Variants in GPC5 observed in about 807,000 individuals in gnomAD.
GPC5 encodes glypican-5.
GPC5 carries 47 observed loss-of-function variants against 53.9 expected under a neutral mutation model. That is an observed-to-expected ratio of 0.87 (90% confidence interval 0.69 to 1.11). The LOEUF (loss-of-function observed/expected upper bound fraction) is 1.11. Among genes scored for constraint, GPC5 ranks in the 50% most tolerant of loss-of-function variants. The pLI, the probability that GPC5 is intolerant of heterozygous loss-of-function variation, is 0.00. For missense variants in GPC5, 748 were observed against 713.1 expected (o/e 1.05, Z -0.56); for synonymous variants, 286 against 263.3 (o/e 1.09, Z -0.84).
chr13:92,014,558 G>T (rs1327599349), intron 6 of GPC5, among the ~76,000 whole-genome samples: 1 of 152,070 alleles, frequency 6.6e-6, no homozygotes, highest in Non-Finnish European at 1.5e-5. Context: ...TATTGCTTGA[G>T]ATTTGAAGGG....
intron 7 of GPC5, among the ~76,000 whole-genome samples, chr13:92,777,177 A>G (rs140574487): frequency 2.1e-3 from 319 of 151,548 alleles, no homozygotes; most frequent in African/African-American, 7.2e-3. Flanking sequence ...TCTACTAAAA[A>G]TACAAAAAAC....
intron 2 of GPC5, among the ~76,000 whole-genome samples, chr13:91,573,890 G>A (rs997555642): frequency 6.6e-6 from 1 of 152,104 alleles, no homozygotes; most frequent in Non-Finnish European, 1.5e-5. Flanking sequence ...ATATGTATAT[G>A]TATGTGTGTG....
chr13:91,987,444 A>G (rs1481358646), intron 6 of GPC5, among the ~76,000 whole-genome samples: 1 of 152,164 alleles, frequency 6.6e-6, no homozygotes, highest in Non-Finnish European at 1.5e-5. Flanking sequence ...TGATTGGACA[A>G]CGTTCCCATT....
intron 7 of GPC5, among the ~76,000 whole-genome samples, chr13:92,441,385 T>C (rs1339105766): frequency 6.6e-6 from 1 of 152,218 alleles, no homozygotes; most frequent in Non-Finnish European, 1.5e-5. Context: ...TGGTTGCAGT[T>C]GCTTTTGAGA....
intron 6 of GPC5, among the ~76,000 whole-genome samples, chr13:91,947,879 A>G (rs2039988348): frequency 6.6e-6 from 1 of 152,070 alleles, no homozygotes; most frequent in South Asian, 2.1e-4. Flanking sequence ...TTGTTGAGTT[A>G]ATGAAAGAAT....
intron 6 of GPC5, among the ~76,000 whole-genome samples, chr13:92,111,779 C>A (rs578137210): frequency 6.6e-6 from 1 of 151,886 alleles, no homozygotes; most frequent in African/African-American, 2.4e-5. Context: ...AACTAATCCA[C>A]GAAAAAGGAT....
chr13:91,854,712 A>G (rs1177764406), intron 5 of GPC5, among the ~76,000 whole-genome samples: 4 of 151,864 alleles, frequency 2.6e-5, no homozygotes. Context: ...CATTTTTAAT[A>G]AATAACTTAA....
intron 7 of GPC5, among the ~76,000 whole-genome samples, chr13:92,718,506 G>A (rs1159913686): frequency 3.3e-5 from 5 of 152,048 alleles, no homozygotes; most frequent in South Asian, 2.1e-4. Context: ...TTAAACAATC[G>A]AACTCATGGA....
At chr13:92,165,429 A>C (rs2042020093) in intron 7 of GPC5, among the ~76,000 whole-genome samples, 1 of 152,196 alleles carries the variant, frequency 6.6e-6, no homozygotes, top group African/African-American at 2.4e-5. Flanking sequence ...AAAAAGGTTT[A>C]ATTGATTCAC....
At chr13:91,970,092 A>C (rs1467139265) in intron 6 of GPC5, among the ~76,000 whole-genome samples, 1 of 152,222 alleles carries the variant, frequency 6.6e-6, no homozygotes, top group Non-Finnish European at 1.5e-5. Flanking sequence ...GTATTTAAAA[A>C]AGAGGGAAAT....
intron 6 of GPC5, among the ~76,000 whole-genome samples, chr13:92,135,517 A>C (rs2041776957): frequency 6.6e-6 from 1 of 152,178 alleles, no homozygotes; most frequent in Non-Finnish European, 1.5e-5. Flanking sequence ...AGAAGGTGGA[A>C]CTGGCCACAT....
At chr13:92,394,019 G>A (rs978783773) in intron 7 of GPC5, among the ~76,000 whole-genome samples, 6 of 151,966 alleles carry the variant, frequency 3.9e-5, no homozygotes, top group Non-Finnish European at 8.8e-5. Context: ...CTTCTCAGAG[G>A]TCTGCCAGGA....
rs76473316 is a variant in GPC5 at position 92,138,173 on chromosome 13, A to C, written c.1402-6657A>C. Among the ~76,000 whole-genome samples the C allele has an allele frequency of 2.3e-3, 349 of 152,308 alleles. 3 individuals are homozygous for C. Among genetic ancestry groups the C allele is most frequent in the African/African-American group, 7.1e-3 (296 of 41,574 alleles). Reference sequence around the variant, plus strand: ...GTGGTAAAAATGAGAGATTTGTTAAAGTATGTGGCAGGAGTGTGTCTAATA... The same window carrying C: ...GTGGTAAAAATGAGAGATTTGTTAACGTATGTGGCAGGAGTGTGTCTAATA... On this transcript the variant is annotated intron_variant, in intron 6 of 7. Transcript: ENST00000377067.
At chr13:92,803,566 A>G (rs1254850842) in intron 7 of GPC5, among the ~76,000 whole-genome samples, 2 of 151,854 alleles carry the variant, frequency 1.3e-5, no homozygotes, top group African/African-American at 4.8e-5. Context: ...TCCTCGAAAT[A>G]ATTATTTATC....
chr13:92,494,538 G>C (rs896325836), intron 7 of GPC5, among the ~76,000 whole-genome samples: 1 of 151,904 alleles, frequency 6.6e-6, no homozygotes, highest in Non-Finnish European at 1.5e-5. Context: ...TTTTCTTTTC[G>C]TATTCTAAGT....
intron 7 of GPC5, chr13:92,241,153 AT>A (rs1414788094): frequency 6.6e-6 from 1 of 152,172 alleles, no homozygotes. Flanking sequence ...ATTTGATTCC[AT>A]TGCAGAATTA....
intron 6 of GPC5, among the ~76,000 whole-genome samples, chr13:92,067,659 G>A (rs1422512065): frequency 6.6e-6 from 1 of 151,930 alleles, no homozygotes; most frequent in Non-Finnish European, 1.5e-5. Flanking sequence ...TATTTATCAA[G>A]TTGTATATGC....
At chr13:92,420,402 A>G (rs572782439) in intron 7 of GPC5, among the ~76,000 whole-genome samples, 2 of 152,246 alleles carry the variant, frequency 1.3e-5, no homozygotes, top group Admixed American at 6.5e-5. Flanking sequence ...TTTACATGGT[A>G]CATGCTTTGT....
At chr13:91,769,589 T>C (rs1350425787) in intron 5 of GPC5, among the ~76,000 whole-genome samples, 3 of 152,126 alleles carry the variant, frequency 2.0e-5, no homozygotes, top group African/African-American at 7.2e-5. Context: ...GCTTCATGTG[T>C]CTAAGGAACA....
Sources: allele counts gnomAD v4.1 joint callset (sites outside exome capture counted in the v4.1 genomes callset), GRCh38; gene constraint gnomAD v4.1.1; transcripts MANE v1.5; gene names NCBI Gene and HGNC (gene_info 2026-07-23, HGNC 2026-07-21).